SDK1: variants seen among roughly 807,000 people sequenced by gnomAD.
The protein encoded by SDK1 is protein sidekick-1.
SDK1 carries 157 observed loss-of-function variants against 245.5 expected under a neutral mutation model. That is an observed-to-expected ratio of 0.64 (90% CI 0.56 to 0.73). The LOEUF (loss-of-function observed/expected upper bound fraction) is 0.73, where lower values mean the gene tolerates loss of function less well. Ranked by LOEUF, SDK1 falls within the 30% of genes least tolerant of loss-of-function variation. The pLI is 0.00. For missense variants in SDK1, 3,583 were observed against 3,002.3 expected (o/e 1.19, Z -4.52); for synonymous variants, 1,647 against 1,278.5 (o/e 1.29, Z -6.15).
chr7:3,506,445 G>A (rs1012445186), intron 1 of SDK1, among the ~76,000 whole-genome samples: 12 of 151,972 alleles, frequency 7.9e-5, no homozygotes, highest in African/African-American at 2.9e-4. Context: ...ATTCTCTTTT[G>A]GGTTTCGTCT....
At chr7:3,767,760 G>C (rs1780296529) in intron 4 of SDK1, among the ~76,000 whole-genome samples, 1 of 152,158 alleles carries the variant, frequency 6.6e-6, no homozygotes, top group South Asian at 2.1e-4. Flanking sequence ...ATTATCTAAT[G>C]ATGGTATTTT....
intron 1 of SDK1, among the ~76,000 whole-genome samples, chr7:3,575,931 C>T (rs1562574405): frequency 1.3e-5 from 2 of 152,032 alleles, no homozygotes; most frequent in African/African-American, 4.8e-5. Context: ...CCTTTCATCT[C>T]TGTTCTGTTC....
intron 4 of SDK1, among the ~76,000 whole-genome samples, chr7:3,789,967 C>G (rs547577123): frequency 1.2e-4 from 19 of 152,252 alleles, no homozygotes; most frequent in African/African-American, 4.1e-4. Flanking sequence ...AGTTTACACA[C>G]AGCATGGTCG....
At chr7:3,612,018 C>T (rs940458116) in intron 1 of SDK1, among the ~76,000 whole-genome samples, 1 of 152,080 alleles carries the variant, frequency 6.6e-6, no homozygotes, top group Non-Finnish European at 1.5e-5. Context: ...AACATTGTAT[C>T]TTCTCACTCC....
intron 30 of SDK1, among the ~76,000 whole-genome samples, chr7:4,149,853 C>G (rs767812275): frequency 1.3e-5 from 2 of 152,154 alleles, no homozygotes; most frequent in East Asian, 3.9e-4. Flanking sequence ...GTGTCCAGGG[C>G]TGGAGGGACG....
At chr7:3,452,425 G>A (rs1166861031) in intron 1 of SDK1, among the ~76,000 whole-genome samples, 1 of 152,164 alleles carries the variant, frequency 6.6e-6, no homozygotes, top group Non-Finnish European at 1.5e-5. Context: ...CTTTTCAATT[G>A]TAGAGAGCCT....
At chr7:3,571,895 C>T (rs951773174) in intron 1 of SDK1, among the ~76,000 whole-genome samples, 2 of 151,940 alleles carry the variant, frequency 1.3e-5, no homozygotes, top group Non-Finnish European at 2.9e-5. Context: ...TCTACCTAGC[C>T]CTTAAAAAGC....
intron 1 of SDK1, among the ~76,000 whole-genome samples, chr7:3,539,834 G>A (rs867831638): frequency 6.6e-6 from 1 of 152,186 alleles, no homozygotes; most frequent in African/African-American, 2.4e-5. Flanking sequence ...GCCCATTCTA[G>A]GATGATAAAT....
chr7:3,346,204 C>T (rs1051121799), intron 1 of SDK1, among the ~76,000 whole-genome samples: 2 of 152,140 alleles, frequency 1.3e-5, no homozygotes, highest in Admixed American at 1.3e-4. Context: ...CATAATAAAG[C>T]TGATTGTGCC....
At chr7:4,005,487 G>A (rs1388463190) in intron 14 of SDK1, among the ~76,000 whole-genome samples, 3 of 149,690 alleles carry the variant, frequency 2.0e-5, no homozygotes, top group African/African-American at 7.3e-5. Flanking sequence ...ACCCAAGGAG[G>A]CACATGACAC....
intron 5 of SDK1, among the ~76,000 whole-genome samples, chr7:3,843,429 G>C (rs998130933): frequency 6.6e-6 from 1 of 152,144 alleles, no homozygotes; most frequent in African/African-American, 2.4e-5. Context: ...CTATGGAGAA[G>C]AAATTGTTAC....
intron 4 of SDK1, among the ~76,000 whole-genome samples, chr7:3,803,781 C>CT: frequency 7.6e-6 from 1 of 131,916 alleles, no homozygotes; most frequent in Admixed American, 8.0e-5. Flanking sequence ...CAGAGTCTGG[C>CT]CTGTTGCCCA....
chr7:3,528,192 G>T (rs1783213478), intron 1 of SDK1, among the ~76,000 whole-genome samples: 1 of 145,832 alleles, frequency 6.9e-6, no homozygotes, highest in African/African-American at 2.6e-5. Flanking sequence ...TGGGAGGTGA[G>T]GCTGGGTGTC....
At chr7:3,849,683 C>A (rs573804273) in intron 5 of SDK1, among the ~76,000 whole-genome samples, 4 of 152,106 alleles carry the variant, frequency 2.6e-5, no homozygotes, top group Non-Finnish European at 5.9e-5. Flanking sequence ...TCTTAGAGGG[C>A]GGCGTATTTT....
At chr7:3,997,037 A>G (rs547931322) in intron 14 of SDK1, among the ~76,000 whole-genome samples, 2 of 152,344 alleles carry the variant, frequency 1.3e-5, no homozygotes, top group East Asian at 1.9e-4. Context: ...CAAACAAAAT[A>G]CAAGTCATTT....
intron 5 of SDK1, among the ~76,000 whole-genome samples, chr7:3,935,461 G>A (rs1006812017): frequency 1.3e-5 from 2 of 152,178 alleles, no homozygotes; most frequent in African/African-American, 4.8e-5. Context: ...ATGGGAGGAA[G>A]TATTTGCAAA....
intron 40 of SDK1, among the ~76,000 whole-genome samples, chr7:4,229,893 A>T (rs1785642080): frequency 6.6e-6 from 1 of 151,928 alleles, no homozygotes; most frequent in East Asian, 1.9e-4. Flanking sequence ...GTTATTATTT[A>T]TTGAAAGCCT....
Position 3,670,427 on chromosome 7 carries a change from G to A in SDK1, c.713+28322G>A, listed in dbSNP as rs542421240. Among the ~76,000 whole-genome samples, 8 of 152,148 alleles carry A rather than the reference G, an allele frequency of 5.3e-5. No individual in the cohort carries two copies. The South Asian group carries it at 8.3e-4, about 16-fold the overall frequency. On this transcript the variant is annotated intron_variant, in intron 4 of 44. Transcript: ENST00000404826. ...TTGAATCTTAACTTTTCACTTACTAGGTATGATCTTAGACAAGTTCTTAAA... is the reference window on the plus strand; with the variant it reads ...TTGAATCTTAACTTTTCACTTACTAAGTATGATCTTAGACAAGTTCTTAAA...
At chr7:3,526,839 A>G (rs1783153692) in intron 1 of SDK1, among the ~76,000 whole-genome samples, 1 of 152,142 alleles carries the variant, frequency 6.6e-6, no homozygotes, top group Admixed American at 6.5e-5. Context: ...TTTGAATCTT[A>G]TATATATCTT....
Sources: gnomAD v4.1 joint callset for allele counts (sites outside exome capture counted in the v4.1 genomes callset) on GRCh38, gnomAD v4.1.1 for gene constraint, MANE v1.5 for transcripts, NCBI Gene and HGNC (gene_info 2026-07-23, HGNC 2026-07-21) for gene names.